The following AKT3 variants were observed in gnomAD, a reference collection of about 807,000 sequenced individuals.
The protein encoded by AKT3 is AKT serine/threonine kinase 3, also known as RAC-gamma serine/threonine-protein kinase.
AKT3 carries 15 observed loss-of-function variants against 65.3 expected under a neutral mutation model. The observed-to-expected ratio is 0.23, with a 90% CI of 0.15 to 0.35. The LOEUF (loss-of-function observed/expected upper bound fraction) is 0.35. Ranked by LOEUF, AKT3 falls within the 10% of genes least tolerant of loss-of-function variation. The pLI is 1.00. For missense variants in AKT3, 243 were observed against 576.5 expected (o/e 0.42, Z 5.92); for synonymous variants, 206 against 183.8 (o/e 1.12, Z -0.98).
In AKT3 at chr1:243,747,690, A is replaced by T. The variant is rs943633969; in HGVS notation, c.47-51974T>A. ...TAGTAAATAGGTACCTTTGCAAATGAAACTCTTAGTATCACATTGGGAATT... is the reference window on the plus strand; with the variant it reads ...TAGTAAATAGGTACCTTTGCAAATGTAACTCTTAGTATCACATTGGGAATT... On this transcript the variant is annotated intron_variant, in intron 2 of 13. Transcript: ENST00000673466. Among the ~76,000 whole-genome samples, 36 of 152,232 alleles carry T rather than the reference A, an allele frequency of 2.4e-4. 1 individual carries two copies. Among genetic ancestry groups the T allele is most frequent in the Non-Finnish European group, 1.0e-4 (7 of 68,036 alleles).
intron 2 of AKT3, among the ~76,000 whole-genome samples, chr1:243,771,329 T>G (rs11588042): frequency 6.6e-6 from 1 of 152,154 alleles, no homozygotes; most frequent in African/African-American, 2.4e-5. Flanking sequence ...TACCTTCTCA[T>G]TGAGGGCACA....
At position 243,825,486 on chromosome 1, in the gene AKT3, G is replaced by C. The variant is rs1694111750; in HGVS notation, c.46+17639C>G. On this transcript the variant is annotated intron_variant, in intron 2 of 13. Coordinates refer to ENST00000673466, the MANE Select transcript of AKT3 (RefSeq NM_005465.7). Reference sequence around the variant, plus strand: ...GTGACAGAGGAATAAGAAAATAAGGGATAATAACCATTAAAATATGTGGCT... The same window carrying C: ...GTGACAGAGGAATAAGAAAATAAGGCATAATAACCATTAAAATATGTGGCT... 2.0e-5 allele frequency among the ~76,000 whole-genome samples: 3 copies of C among 152,070 alleles called. No individual in the cohort carries two copies. In the South Asian group the frequency reaches 6.2e-4, roughly 32 times the overall value.
chr1:243,797,887 CT>C (rs561166742), intron 2 of AKT3, among the ~76,000 whole-genome samples: 104 of 141,534 alleles, frequency 7.3e-4, no homozygotes, highest in Middle Eastern at 3.6e-3. Flanking sequence ...AACAGTTTTT[CT>C]TTTTTTTTTT....
intron 8 of AKT3, among the ~76,000 whole-genome samples, chr1:243,586,616 A>G (rs757242201): frequency 2.0e-5 from 3 of 152,228 alleles, no homozygotes; most frequent in Non-Finnish European, 4.4e-5. Context: ...GGAGTGAATT[A>G]ACACAGGAAC....
At chr1:243,574,068 C>A (rs908945259) in intron 8 of AKT3, among the ~76,000 whole-genome samples, 1 of 152,030 alleles carries the variant, frequency 6.6e-6, no homozygotes, top group African/African-American at 2.4e-5. Flanking sequence ...AAAAAATGAA[C>A]CAATCAGCCA....
intron 2 of AKT3, among the ~76,000 whole-genome samples, chr1:243,789,255 G>A (rs1230727952): frequency 6.6e-6 from 1 of 152,194 alleles, no homozygotes; most frequent in African/African-American, 2.4e-5. Context: ...GCACAGTGGT[G>A]TGTGACTGTG....
chr1:243,703,622 G>T (rs1041302132), intron 2 of AKT3, among the ~76,000 whole-genome samples: 1 of 151,696 alleles, frequency 6.6e-6, no homozygotes, highest in African/African-American at 2.4e-5. Flanking sequence ...AGCCGGGCGT[G>T]GTGGCGGGGC....
intron 12 of AKT3, among the ~76,000 whole-genome samples, chr1:243,526,644 TA>T (rs1671102667): frequency 6.6e-6 from 1 of 151,978 alleles, no homozygotes; most frequent in South Asian, 2.1e-4. Flanking sequence ...AAGAAATATT[TA>T]AATATGTACT....
At chr1:243,625,740 T>C (rs904885678) in intron 6 of AKT3, among the ~76,000 whole-genome samples, 14 of 152,144 alleles carry the variant, frequency 9.2e-5, no homozygotes, top group African/African-American at 3.1e-4. Flanking sequence ...AGAAAATAGA[T>C]TGTGAGAGTG....
chr1:243,510,624 G>A (rs1479456174), intron 13 of AKT3, among the ~76,000 whole-genome samples: 2 of 152,208 alleles, frequency 1.3e-5, no homozygotes, highest in African/African-American at 4.8e-5. Flanking sequence ...TGTCCCCAGA[G>A]CCCGAGGCAT....
Position 243,504,255 on chromosome 1 carries a change from C to A in AKT3, c.*994G>T, listed in dbSNP as rs1374396194. On this transcript the variant is annotated 3_prime_UTR_variant, in exon 14 of 14. Transcript: ENST00000673466. ...AATACTACTGCAATATAAACAAAAT[C>A]ATAAAAGGACATTCAAAGTTTCAAC... 1.4e-5 allele frequency: 3 copies of A among 209,670 alleles called. No homozygotes were observed. The highest frequency in any genetic ancestry group is 2.3e-5 in the African/African-American group (1 of 43,970). 13.0% of individuals were successfully genotyped at this position (209,670 alleles called of 1,614,324 possible). A position where few individuals can be genotyped will look rare whatever the true frequency, so the allele number is the denominator to read the frequency against.
At position 243,512,330 on chromosome 1, in the gene AKT3, C is replaced by T; in HGVS notation, c.1348G>A (p.Glu450Lys). Residue 450 changes from glutamate (E) to lysine (K), a missense_variant, in exon 13 of 14, where the codon GAA becomes AAA. Physicochemically the swap from Glu to Lys is moderately conservative, Grantham distance 56. Around this residue, in one of 6 missense-constraint regions of AKT3, gnomAD observed 57 missense variants for 107.6 expected, o/e 0.53. Transcript: ENST00000673466. ...GCCTTCTAAATTTACTTACATTTTT[C>T]AGGTGGTGTTATTGTAATAGTCTGA... ...TAQTITITPP[E>K]KYDEDGMDCM... 1 of 1,469,436 alleles carries T rather than the reference C, an allele frequency of 6.8e-7. No homozygotes were observed. 91.0% of individuals were successfully genotyped at this position (1,469,436 alleles called of 1,614,324 possible).
intron 2 of AKT3, among the ~76,000 whole-genome samples, chr1:243,757,719 A>G (rs912651064): frequency 6.6e-6 from 1 of 152,136 alleles, no homozygotes; most frequent in African/African-American, 2.4e-5. Flanking sequence ...AAGTTCTTAC[A>G]CTTGCAGTCT....
intron 2 of AKT3, among the ~76,000 whole-genome samples, chr1:243,728,173 C>T (rs544984619): frequency 6.6e-6 from 1 of 152,292 alleles, no homozygotes; most frequent in South Asian, 2.1e-4. Flanking sequence ...CACGCATCAA[C>T]GATTCAATAG....
chr1:243,731,469 G>C (rs969888304), intron 2 of AKT3, among the ~76,000 whole-genome samples: 1 of 152,164 alleles, frequency 6.6e-6, no homozygotes, highest in South Asian at 2.1e-4. Context: ...ATAAGCCAAG[G>C]CGTCCTCTAC....
intron 4 of AKT3, among the ~76,000 whole-genome samples, chr1:243,654,511 A>G (rs552170337): frequency 6.6e-6 from 1 of 152,204 alleles, no homozygotes; most frequent in African/African-American, 2.4e-5. Context: ...TAGAGACAGG[A>G]TCTCACTATG....
intron 2 of AKT3, among the ~76,000 whole-genome samples, chr1:243,776,602 T>C (rs943894538): frequency 6.6e-6 from 1 of 152,178 alleles, no homozygotes; most frequent in Non-Finnish European, 1.5e-5. Flanking sequence ...ACCTAGACTA[T>C]GAAATTTTGT....
chr1:243,524,520 C>G (rs1670922782), intron 12 of AKT3, among the ~76,000 whole-genome samples: 1 of 152,232 alleles, frequency 6.6e-6, no homozygotes, highest in Admixed American at 6.5e-5. Context: ...AGAAGGGGAA[C>G]AGCCATGAAT....
At chr1:243,652,044 ATTC>A (rs1222545748) in intron 4 of AKT3, among the ~76,000 whole-genome samples, 2 of 120,592 alleles carry the variant, frequency 1.7e-5, no homozygotes, top group East Asian at 2.5e-4. Context: ...AGAGAAAAGA[ATTC>A]TTTTTTTTTT....
Sources: gnomAD v4.1 joint callset for allele counts (sites outside exome capture counted in the v4.1 genomes callset) on GRCh38, gnomAD v4.1.1 for gene constraint, gnomAD v4.1.1 regional missense constraint, MANE v1.5 for transcripts, NCBI Gene and HGNC (gene_info 2026-07-23, HGNC 2026-07-21) for gene names.